Variants in MAGI1 observed in about 807,000 individuals in gnomAD.
MAGI1 encodes the protein membrane-associated guanylate kinase, WW and PDZ domain-containing protein 1.
A neutral mutation model predicts 139.9 loss-of-function variants in MAGI1; 58 were observed. That is an observed-to-expected ratio of 0.41 (90% CI 0.34 to 0.52). MAGI1 has a LOEUF of 0.52. Among genes scored for constraint, MAGI1 ranks in the 20% least tolerant of loss-of-function variants. The pLI is 0.12. For synonymous variants in MAGI1, 812 were observed against 737.9 expected, an observed-to-expected ratio of 1.10 and a Z score of -1.63; for missense variants, 1,874 against 1,901.6, an observed-to-expected ratio of 0.99 and a Z score of 0.27.
intron 1 of MAGI1, among the ~76,000 whole-genome samples, chr3:65,624,442 T>G (rs1306990623): frequency 6.6e-6 from 1 of 152,056 alleles, no homozygotes; most frequent in African/African-American, 2.4e-5. Flanking sequence ...ACATAGAAAT[T>G]AAAAGAAACT....
At chr3:65,408,824 C>T (rs1433286576) in intron 12 of MAGI1, among the ~76,000 whole-genome samples, 3 of 152,314 alleles carry the variant, frequency 2.0e-5, no homozygotes, top group Middle Eastern at 3.4e-3. Flanking sequence ...AAAATTCACT[C>T]ACTCATGTAA....
chr3:65,871,273 T>G (rs1283571921), intron 1 of MAGI1, among the ~76,000 whole-genome samples: 1 of 152,144 alleles, frequency 6.6e-6, no homozygotes, highest in East Asian at 1.9e-4. Flanking sequence ...ATATATATAT[T>G]CAACCAGGTA....
intron 1 of MAGI1, among the ~76,000 whole-genome samples, chr3:65,699,846 G>A (rs1256129663): frequency 6.7e-6 from 1 of 150,006 alleles, no homozygotes; most frequent in Non-Finnish European, 1.5e-5. Context: ...CCTGCACAAT[G>A]TGCACATGTA....
At chr3:65,614,174 G>A (rs575756291) in intron 2 of MAGI1, among the ~76,000 whole-genome samples, 11 of 152,260 alleles carry the variant, frequency 7.2e-5, no homozygotes, top group South Asian at 2.1e-4. Context: ...CAAGACAAGC[G>A]CTAATGACAC....
intron 1 of MAGI1, among the ~76,000 whole-genome samples, chr3:65,740,047 A>G (rs2035125002): frequency 6.6e-6 from 1 of 152,240 alleles, no homozygotes. Flanking sequence ...GACACAATCA[A>G]AAGGATGTGC....
chr3:65,828,331 AAGG>A (rs2042340904), intron 1 of MAGI1, among the ~76,000 whole-genome samples: 1 of 152,310 alleles, frequency 6.6e-6, no homozygotes, highest in East Asian at 1.9e-4. Flanking sequence ...TTATAGGAGG[AAGG>A]AGAAGGTCTA....
chr3:65,510,300 T>C (rs939827109), intron 2 of MAGI1, among the ~76,000 whole-genome samples: 6 of 152,222 alleles, frequency 3.9e-5, no homozygotes, highest in East Asian at 1.9e-4. Flanking sequence ...CAAAGCTGGA[T>C]GGAGAATGAC....
At chr3:65,969,937 C>A (rs554316575) in intron 1 of MAGI1, among the ~76,000 whole-genome samples, 71 of 152,270 alleles carry the variant, frequency 4.7e-4, no homozygotes, top group African/African-American at 1.7e-3. Context: ...TGCCAGCATA[C>A]CATGGGGGCT....
intron 1 of MAGI1, among the ~76,000 whole-genome samples, chr3:65,851,510 AG>A (rs1171217184): frequency 6.6e-6 from 1 of 152,166 alleles, no homozygotes; most frequent in African/African-American, 2.4e-5. Flanking sequence ...GCACTTTGGG[AG>A]GCCGAGGTGG....
chr3:65,482,379 AC>A (rs1951345476), intron 3 of MAGI1, among the ~76,000 whole-genome samples: 1 of 152,218 alleles, frequency 6.6e-6, no homozygotes, highest in Non-Finnish European at 1.5e-5. Context: ...TGACACCCAT[AC>A]TACATTGTTT....
intron 1 of MAGI1, among the ~76,000 whole-genome samples, chr3:65,809,605 A>T (rs1227541500): frequency 6.6e-6 from 1 of 152,154 alleles, no homozygotes; most frequent in African/African-American, 2.4e-5. Flanking sequence ...TTCAGCTGTG[A>T]TGGAAAACTC....
chr3:65,890,396 T>G (rs1172376350), intron 1 of MAGI1, among the ~76,000 whole-genome samples: 2 of 151,860 alleles, frequency 1.3e-5, no homozygotes, highest in Admixed American at 6.6e-5. Context: ...AAAAAACTCA[T>G]CATATGCCTT....
intron 12 of MAGI1, among the ~76,000 whole-genome samples, chr3:65,406,024 C>A (rs1160358771): frequency 1.3e-5 from 2 of 152,190 alleles, no homozygotes; most frequent in Non-Finnish European, 2.9e-5. Context: ...CCACGCCCGG[C>A]CTCTATACTG....
intron 1 of MAGI1, among the ~76,000 whole-genome samples, chr3:65,727,884 C>T (rs948917701): frequency 6.6e-6 from 1 of 152,122 alleles, no homozygotes; most frequent in Non-Finnish European, 1.5e-5. Flanking sequence ...TTATGTTATA[C>T]TTTTAAGGAT....
At chr3:65,529,103 C>T (rs2078516656) in intron 2 of MAGI1, among the ~76,000 whole-genome samples, 2 of 147,474 alleles carry the variant, frequency 1.4e-5, no homozygotes, top group African/African-American at 5.2e-5. Flanking sequence ...TAAGTAATGC[C>T]TAATTGGTAA....
chr3:65,963,895 T>C (rs1257459130), intron 1 of MAGI1, among the ~76,000 whole-genome samples: 2 of 152,194 alleles, frequency 1.3e-5, no homozygotes, highest in South Asian at 2.1e-4. Flanking sequence ...GTCAACACTT[T>C]TTCATATATT....
intron 1 of MAGI1, among the ~76,000 whole-genome samples, chr3:65,706,039 C>A (rs746909781): frequency 8.5e-5 from 13 of 152,156 alleles, no homozygotes; most frequent in Non-Finnish European, 1.5e-4. Context: ...TGAGAATATG[C>A]CTTTCAGCAT....
chr3:65,766,890 A>C (rs1258773591), intron 1 of MAGI1, among the ~76,000 whole-genome samples: 2 of 152,158 alleles, frequency 1.3e-5, no homozygotes, highest in Non-Finnish European at 2.9e-5. Flanking sequence ...CTCCATCTCA[A>C]ATAGTAATAA....
At position 65,356,752 on chromosome 3, in the gene MAGI1, T is replaced by A; in HGVS notation, c.4015A>T (p.Arg1339Trp). 2 of 1,600,806 alleles carry A rather than the reference T, an allele frequency of 1.2e-6. No homozygotes were observed. The highest frequency in any genetic ancestry group is 1.7e-6 in the Non-Finnish European group (2 of 1,173,986). The change falls in exon 23 of 23, where the codon AGG (arginine) becomes TGG (tryptophan). Residue 1339 changes from arginine to tryptophan, a missense_variant. Arg to Trp is a moderately radical substitution (Grantham distance 101). Around this residue, in one of 5 missense-constraint regions of MAGI1, gnomAD observed 653 missense variants for 644.5 expected, o/e 1.01. Transcript: ENST00000402939. Reference sequence around the variant, plus strand: ...CGTCTCTTCTCGTGCTTCTCCCTCCTCTCCAAAGTGTTGTCGGCGCTGCGG... The same window carrying A: ...CGTCTCTTCTCGTGCTTCTCCCTCCACTCCAAAGTGTTGTCGGCGCTGCGG... ...GTRSADNTLERREKHEKRRDV... is the reference protein window; with the variant it reads ...GTRSADNTLEWREKHEKRRDV...
Sources: gnomAD v4.1 joint callset for allele counts (sites outside exome capture counted in the v4.1 genomes callset) on GRCh38, gnomAD v4.1.1 for gene constraint, gnomAD v4.1.1 regional missense constraint, MANE v1.5 for transcripts, NCBI Gene and HGNC (gene_info 2026-07-23, HGNC 2026-07-21) for gene names.